The following CBFA2T2 variants were observed in gnomAD, a reference collection of about 807,000 sequenced individuals.
CBFA2T2 encodes CBFA2/RUNX1 partner transcriptional co-repressor 2, also known as protein CBFA2T2.
CBFA2T2 carries 11 observed loss-of-function variants against 62.2 expected under a neutral mutation model. The observed-to-expected ratio is 0.18, with a 90% CI of 0.11 to 0.29. The LOEUF is 0.29. Among genes scored for constraint, CBFA2T2 ranks in the 10% least tolerant of loss-of-function variants. The pLI is 1.00. For missense variants in CBFA2T2, 592 were observed against 774.1 expected, an observed-to-expected ratio of 0.76 and a Z score of 2.79; for synonymous variants, 295 against 287.5, an observed-to-expected ratio of 1.03 and a Z score of -0.27.
chr20:33,597,044 C>T (rs1340218999), intron 1 of CBFA2T2, among the ~76,000 whole-genome samples: 1 of 151,666 alleles, frequency 6.6e-6, no homozygotes, highest in African/African-American at 2.4e-5. Context: ...CCTGTCTGAG[C>T]CTCCAAAGCA....
chr20:33,535,526 T>A (rs1487432628), intron 1 of CBFA2T2, among the ~76,000 whole-genome samples: 2 of 151,294 alleles, frequency 1.3e-5, no homozygotes, highest in Non-Finnish European at 2.9e-5. Flanking sequence ...GCTCAGTGGC[T>A]TAGCTGTCCT....
At chr20:33,613,699 C>T (rs1437769932) in intron 3 of CBFA2T2, among the ~76,000 whole-genome samples, 1 of 152,120 alleles carries the variant, frequency 6.6e-6, no homozygotes, top group African/African-American at 2.4e-5. Flanking sequence ...CACACGGCCA[C>T]CCTTATCGGT....
At chr20:33,540,068 G>A (rs2012371032) in intron 1 of CBFA2T2, among the ~76,000 whole-genome samples, 1 of 152,122 alleles carries the variant, frequency 6.6e-6, no homozygotes, top group African/African-American at 2.4e-5. Context: ...TTGATTAAAA[G>A]TAGCTTTAAG....
intron 1 of CBFA2T2, among the ~76,000 whole-genome samples, chr20:33,552,840 T>C (rs1218395719): frequency 1.3e-5 from 2 of 152,192 alleles, no homozygotes; most frequent in Admixed American, 1.3e-4. Context: ...TTTTACCATC[T>C]CAGGGTTCCT....
At chr20:33,607,219 A>G in intron 2 of CBFA2T2, 120 bp downstream of exon 2, 1 of 819,080 alleles carries the variant, frequency 1.2e-6, no homozygotes. Flanking sequence ...TTGAAAATAT[A>G]GACACAGATA....
chr20:33,560,134 G>A (rs1007887605), intron 1 of CBFA2T2, among the ~76,000 whole-genome samples: 1 of 152,160 alleles, frequency 6.6e-6, no homozygotes, highest in African/African-American at 2.4e-5. Flanking sequence ...GTAGTGGCTT[G>A]GTGTCTGCTG....
intron 10 of CBFA2T2, among the ~76,000 whole-genome samples, chr20:33,642,114 TTTTGTGTG>T (rs1379218030): frequency 0.027 from 1,681 of 62,850 alleles, 35 homozygotes; most frequent in East Asian, 0.14. Flanking sequence ...TCTTTTTTTT[TTTTGTGTG>T]TGTGTGTGTG....
intron 1 of CBFA2T2, among the ~76,000 whole-genome samples, chr20:33,497,036 G>A (rs2011207271): frequency 6.6e-6 from 1 of 152,112 alleles, no homozygotes; most frequent in African/African-American, 2.4e-5. Flanking sequence ...TACTTTGGGA[G>A]GCTGAGGCCG....
At chr20:33,497,985 TC>T (rs1338125581) in intron 1 of CBFA2T2, among the ~76,000 whole-genome samples, 2 of 152,156 alleles carry the variant, frequency 1.3e-5, no homozygotes, top group Non-Finnish European at 1.5e-5. Flanking sequence ...GTCCAGCCCT[TC>T]TTTGACTTTT....
rs1226217091 is a variant in CBFA2T2, at chr20:33,646,038, C to T, written c.*1392C>T. The T allele has an allele frequency of 6.6e-6, 1 of 152,156 alleles. No homozygotes were observed. The highest frequency in any genetic ancestry group is 1.9e-4 in the East Asian group (1 of 5,192). The allele number at this position is 152,156 out of a possible 1,614,324, so 9.4% of individuals were successfully genotyped here. A position where few individuals can be genotyped will look rare whatever the true frequency, so the allele number is the denominator to read the frequency against. On this transcript the variant is annotated 3_prime_UTR_variant, in exon 11 of 11. Transcript: ENST00000342704. ...TGGTTTTTTAACACAAAGTCTCACT[C>T]TGTTGCCCAGGCTGGAGTGCAGTGG... is the stretch of plus-strand genomic sequence containing the variant.
intron 1 of CBFA2T2, among the ~76,000 whole-genome samples, chr20:33,596,287 A>G (rs2014880684): frequency 6.6e-6 from 1 of 152,208 alleles, no homozygotes; most frequent in Non-Finnish European, 1.5e-5. Flanking sequence ...AAATGTTAAT[A>G]TATTCTTTGT....
At chr20:33,582,219 G>A (rs537794601) in intron 1 of CBFA2T2, among the ~76,000 whole-genome samples, 87 of 152,090 alleles carry the variant, frequency 5.7e-4, no homozygotes, top group Non-Finnish European at 9.4e-4. Flanking sequence ...GCAGCCGGGC[G>A]CGGTGGCTCA....
At chr20:33,576,964 C>T (rs2013858699) in intron 1 of CBFA2T2, among the ~76,000 whole-genome samples, 1 of 152,212 alleles carries the variant, frequency 6.6e-6, no homozygotes, top group Non-Finnish European at 1.5e-5. Context: ...AGTCCATCTT[C>T]CCTGTCCTAA....
intron 1 of CBFA2T2, among the ~76,000 whole-genome samples, chr20:33,595,627 C>G (rs1030473849): frequency 6.6e-6 from 1 of 152,092 alleles, no homozygotes; most frequent in South Asian, 2.1e-4. Flanking sequence ...TCTCGGCTCA[C>G]TACAACCTCT....
intron 1 of CBFA2T2, among the ~76,000 whole-genome samples, chr20:33,593,718 A>G (rs2014766099): frequency 6.6e-6 from 1 of 152,200 alleles, no homozygotes; most frequent in Admixed American, 6.5e-5. Flanking sequence ...AATACAAGAT[A>G]GCTAGATTTT....
At chr20:33,579,554 CTTTTT>C (rs76190498) in intron 1 of CBFA2T2, among the ~76,000 whole-genome samples, 1 of 125,350 alleles carries the variant, frequency 8.0e-6, no homozygotes. Flanking sequence ...CATCACGAAT[CTTTTT>C]TTTTTTTTTT....
chr20:33,606,843 T>C, intron 1 of CBFA2T2, 113 bp from the exon 2 acceptor site: 1 of 958,506 alleles, frequency 1.0e-6, no homozygotes, highest in Non-Finnish European at 1.6e-6. Flanking sequence ...GGGTCACTAT[T>C]CAGCCTATTA....
At chr20:33,644,311 T>C (rs1601128607) in intron 10 of CBFA2T2, 36 bp from the exon 11 acceptor site, 1 of 1,584,932 alleles carries the variant, frequency 6.3e-7, no homozygotes, top group Admixed American at 1.7e-5. Flanking sequence ...TGCCCCTCAA[T>C]CCCAGCAACC....
rs1261052106 is a variant in CBFA2T2, at chr20:33,648,778, G to C, written c.*4132G>C. On this transcript the variant is annotated 3_prime_UTR_variant, in exon 11 of 11. Coordinates refer to ENST00000342704, the MANE Select transcript of CBFA2T2 (RefSeq NM_001032999.3). ...GGATTTCCTTTGCCCATTTGGGCCA[G>C]AAGGTCACCAGGAGTTCATCACTGC... The C allele has an allele frequency of 6.6e-6, 1 of 152,282 alleles. No homozygotes were observed. Among genetic ancestry groups the C allele is most frequent in the African/African-American group, 2.4e-5 (1 of 41,466 alleles). The allele number at this position is 152,282 out of a possible 1,614,324, so 9.4% of individuals were successfully genotyped here. A position where few individuals can be genotyped will look rare whatever the true frequency, so the allele number is the denominator to read the frequency against.
Sources: gnomAD v4.1 joint callset for allele counts (sites outside exome capture counted in the v4.1 genomes callset) on GRCh38, gnomAD v4.1.1 for gene constraint, MANE v1.5 for transcripts, NCBI Gene and HGNC (gene_info 2026-07-23, HGNC 2026-07-21) for gene names.